The following LANCL3 variants were observed in gnomAD, a reference collection of about 807,000 sequenced individuals.
The protein encoded by LANCL3 is lanC-like protein 3.
Under a neutral mutation model 26.5 loss-of-function variants are expected in LANCL3, and 19 were observed. The observed-to-expected ratio is 0.72, with a 90% confidence interval of 0.50 to 1.05. LANCL3 has a LOEUF of 1.05. Ranked by LOEUF, LANCL3 falls within the 50% of genes least tolerant of loss-of-function variation. The probability of loss-of-function intolerance (pLI) is 0.00; values close to 1 mark genes in which losing one functional copy is unlikely to be tolerated. For missense variants in LANCL3, 318 were observed against 362.7 expected (o/e 0.88, Z 1.00); for synonymous variants, 160 against 166.6 (o/e 0.96, Z 0.30).
intron 4 of LANCL3, chrX:37,668,308 G>A: frequency 5.1e-6 from 1 of 196,472 alleles, no homozygotes. Flanking sequence ...ATATATCCTA[G>A]TTATATACAT....
At chrX:37,629,807 G>A (rs79456293) in intron 1 of LANCL3, among the ~76,000 whole-genome samples, 1 of 111,226 alleles carries the variant, frequency 9.0e-6, no homozygotes, top group Non-Finnish European at 1.9e-5. Flanking sequence ...CATTGATCTA[G>A]ATCTCTGTTT....
intron 1 of LANCL3, among the ~76,000 whole-genome samples, chrX:37,621,123 A>G (rs1232840594): frequency 1.8e-5 from 2 of 112,042 alleles, no homozygotes; most frequent in Admixed American, 9.4e-5. Flanking sequence ...CATCCTTTCC[A>G]GATTGACCCA....
chrX:37,588,928 A>G (rs1234645463), intron 1 of LANCL3, among the ~76,000 whole-genome samples: 1 of 111,567 alleles, frequency 9.0e-6, no homozygotes, highest in Non-Finnish European at 1.9e-5. Flanking sequence ...CCCCGTGCTC[A>G]GTGGTGTGTT....
At chrX:37,646,348 T>C (rs1556426887) in intron 1 of LANCL3, among the ~76,000 whole-genome samples, 1 of 112,336 alleles carries the variant, frequency 8.9e-6, no homozygotes, top group South Asian at 3.7e-4. Flanking sequence ...GTGCTCATGA[T>C]GTTCTTCCTC....
intron 1 of LANCL3, among the ~76,000 whole-genome samples, chrX:37,585,921 A>T (rs1381078695): frequency 1.8e-5 from 2 of 111,744 alleles, no homozygotes; most frequent in South Asian, 7.6e-4. Flanking sequence ...GCATGTTTTT[A>T]CAGTGGCTGG....
chrX:37,589,102 T>C (rs1285927194), intron 1 of LANCL3, among the ~76,000 whole-genome samples: 2 of 112,115 alleles, frequency 1.8e-5, no homozygotes, highest in East Asian at 5.5e-4. Context: ...CCAGAAACAA[T>C]ATATTGTCCT....
chrX:37,596,934 T>C (rs1556419541), intron 1 of LANCL3, among the ~76,000 whole-genome samples: 1 of 112,191 alleles, frequency 8.9e-6, no homozygotes. Context: ...TAGATTTTCC[T>C]TACCTCAAAA....
intron 3 of LANCL3, among the ~76,000 whole-genome samples, chrX:37,661,008 G>T (rs1263011205): frequency 4.8e-5 from 4 of 83,672 alleles, no homozygotes; most frequent in African/African-American, 2.6e-4. Flanking sequence ...TTTTGTGGGC[G>T]GGGGGGGAAC....
At position 37,572,458 on chromosome X, in the gene LANCL3, G is replaced by T; in HGVS notation, c.573+15G>T. On this transcript the variant is annotated intron_variant, in intron 1 of 4. Transcript: ENST00000378619. Reference sequence around the variant, plus strand: ...TCGCCCAGGAGGTAAGAGGTAGCCCGGGCCGCGGGAGGGCGCTCGCCGCCT... The same window carrying T: ...TCGCCCAGGAGGTAAGAGGTAGCCCTGGCCGCGGGAGGGCGCTCGCCGCCT... 8.6e-7 allele frequency: 1 copy of T among 1,161,003 alleles called. No individual in the cohort carries two copies. The highest frequency in any genetic ancestry group is 3.2e-5 in the East Asian group (1 of 30,891).
intron 1 of LANCL3, among the ~76,000 whole-genome samples, chrX:37,578,102 G>A: frequency 8.9e-6 from 1 of 112,039 alleles, no homozygotes; most frequent in Non-Finnish European, 1.9e-5. Context: ...GTTGTAAGAT[G>A]GCTGCTGTCA....
chrX:37,604,045 C>A (rs1229753888), intron 1 of LANCL3, among the ~76,000 whole-genome samples: 2 of 112,713 alleles, frequency 1.8e-5, no homozygotes, highest in African/African-American at 3.2e-5. Flanking sequence ...GGCATCTGTG[C>A]CCTTCCTGCT....
In LANCL3 at chrX:37,637,751, A is replaced by G. The variant is rs189392419; in HGVS notation, c.574-17937A>G. Among the ~76,000 whole-genome samples the G allele has an allele frequency of 2.7e-5, 3 of 111,634 alleles. No individual in the cohort carries two copies. The East Asian group carries it at 8.5e-4, about 32-fold the overall frequency. Reference sequence around the variant, plus strand: ...TTTTCTATTCATTTAAGTTAAATACATTCCTGATACAAATAGAGTAGACCC... The same window carrying G: ...TTTTCTATTCATTTAAGTTAAATACGTTCCTGATACAAATAGAGTAGACCC... On this transcript the variant is annotated intron_variant, in intron 1 of 4. Coordinates refer to ENST00000378619, the MANE Select transcript of LANCL3 (RefSeq NM_001170331.2).
rs782189223 is a variant in LANCL3 at position 37,572,410 on chromosome X, C to A, written c.540C>A (p.Ala180=). ...TGGGCCGCGCGGGTTACCTGTGTGCCGCGCTGGTGCTCAAGCAGAAACTCG... is the reference window on the plus strand; with the variant it reads ...TGGGCCGCGCGGGTTACCTGTGTGCAGCGCTGGTGCTCAAGCAGAAACTCG... ...LFVGRAGYLC[A]ALVLKQKLAQ... is the part of the protein sequence containing the mutation. Residue 180 remains alanine (A), a synonymous_variant, in exon 1 of 5, where the codon GCC becomes GCA. Coordinates refer to ENST00000378619, the MANE Select transcript of LANCL3 (RefSeq NM_001170331.2). 5 of 1,175,236 alleles carry A rather than the reference C, an allele frequency of 4.3e-6. No individual in the cohort carries two copies. In the East Asian group the frequency reaches 1.6e-4, roughly 37 times the overall value.
intron 1 of LANCL3, among the ~76,000 whole-genome samples, chrX:37,632,412 G>A (rs1297734299): frequency 7.2e-5 from 8 of 111,195 alleles, no homozygotes; most frequent in Middle Eastern, 9.2e-3. Context: ...TATCCAATTT[G>A]CCAGTCTGTG....
At chrX:37,580,926 G>C (rs1334518841) in intron 1 of LANCL3, among the ~76,000 whole-genome samples, 1 of 112,106 alleles carries the variant, frequency 8.9e-6, no homozygotes, top group Non-Finnish European at 1.9e-5. Flanking sequence ...GCAGAGATGG[G>C]GTTCCATCTT....
chrX:37,587,747 G>T (rs1349295457), intron 1 of LANCL3, among the ~76,000 whole-genome samples: 6 of 112,377 alleles, frequency 5.3e-5, no homozygotes, highest in Non-Finnish European at 7.5e-5. Context: ...TGCTTCCCGG[G>T]TGAGGGGATG....
intron 1 of LANCL3, among the ~76,000 whole-genome samples, chrX:37,642,219 G>T (rs145954297): frequency 0.014 from 1,578 of 112,255 alleles, 28 homozygotes; most frequent in African/African-American, 0.048. Context: ...GATTTCTGTG[G>T]CAACAGAGGT....
At chrX:37,579,172 CAT>C (rs1208930422) in intron 1 of LANCL3, among the ~76,000 whole-genome samples, 2 of 110,556 alleles carry the variant, frequency 1.8e-5, no homozygotes, top group Non-Finnish European at 3.8e-5. Flanking sequence ...AGAGATGTAA[CAT>C]GTAACATTCT....
intron 1 of LANCL3, among the ~76,000 whole-genome samples, chrX:37,597,091 A>T (rs781831790): frequency 8.9e-6 from 1 of 112,246 alleles, no homozygotes; most frequent in Non-Finnish European, 1.9e-5. Context: ...AATATAATAT[A>T]TGGTCTTTGG....
Sources: gnomAD v4.1 joint callset for allele counts (sites outside exome capture counted in the v4.1 genomes callset) on GRCh38, gnomAD v4.1.1 for gene constraint, MANE v1.5 for transcripts, NCBI Gene and HGNC (gene_info 2026-07-23, HGNC 2026-07-21) for gene names.